Variants in PTPN14 observed in about 807,000 individuals in gnomAD.
The protein encoded by PTPN14 is protein tyrosine phosphatase non-receptor type 14.
PTPN14 carries 53 observed loss-of-function variants against 126.8 expected under a neutral mutation model. The observed-to-expected ratio is 0.42, with a 90% confidence interval of 0.34 to 0.53. The LOEUF is 0.53. PTPN14 is among the 20% of genes least tolerant of loss of function. The pLI, the probability that PTPN14 is intolerant of heterozygous loss-of-function variation, is 0.08. For missense variants in PTPN14, 1,257 were observed against 1,552.9 expected, an observed-to-expected ratio of 0.81 and a Z score of 3.20; for synonymous variants, 630 against 599.3, an observed-to-expected ratio of 1.05 and a Z score of -0.75.
intron 13 of PTPN14, among the ~76,000 whole-genome samples, chr1:214,379,713 C>A (rs1029476318): frequency 7.2e-5 from 11 of 152,238 alleles, no homozygotes; most frequent in African/African-American, 2.2e-4. Context: ...CAAAAGAATG[C>A]AACCATTTGC....
At chr1:214,480,214 T>C (rs1267209920) in intron 1 of PTPN14, among the ~76,000 whole-genome samples, 2 of 152,234 alleles carry the variant, frequency 1.3e-5, no homozygotes, top group Non-Finnish European at 2.9e-5. Flanking sequence ...AAGTCTCTTA[T>C]TGCATACTCC....
intron 1 of PTPN14, among the ~76,000 whole-genome samples, chr1:214,485,949 A>G (rs1382293045): frequency 6.6e-6 from 1 of 152,064 alleles, no homozygotes; most frequent in African/African-American, 2.4e-5. Flanking sequence ...GATGGTCTCG[A>G]TCTCCTGACC....
At chr1:214,510,128 A>T (rs538187096) in intron 1 of PTPN14, among the ~76,000 whole-genome samples, 53 of 152,204 alleles carry the variant, frequency 3.5e-4, no homozygotes, top group African/African-American at 1.3e-3. Flanking sequence ...AGGCGGGAGG[A>T]GAGGGAGAGA....
At chr1:214,362,481 C>A (rs1363926991) in intron 18 of PTPN14, among the ~76,000 whole-genome samples, 2 of 152,226 alleles carry the variant, frequency 1.3e-5, no homozygotes, top group Non-Finnish European at 2.9e-5. Flanking sequence ...CCACAGGAGG[C>A]CACACTGGCC....
chr1:214,448,555 C>T (rs1005777006), intron 3 of PTPN14, among the ~76,000 whole-genome samples: 4 of 152,048 alleles, frequency 2.6e-5, no homozygotes, highest in African/African-American at 9.7e-5. Context: ...ACTGCCCGGC[C>T]TATTCATTTT....
At chr1:214,505,386 C>T (rs975391146) in intron 1 of PTPN14, among the ~76,000 whole-genome samples, 1 of 152,040 alleles carries the variant, frequency 6.6e-6, no homozygotes, top group Admixed American at 6.5e-5. Flanking sequence ...TGTCCAATTC[C>T]AAAGGGAGGT....
intron 5 of PTPN14, among the ~76,000 whole-genome samples, chr1:214,408,020 T>C (rs1486002039): frequency 2.0e-5 from 3 of 152,210 alleles, no homozygotes; most frequent in African/African-American, 7.2e-5. Flanking sequence ...TCTAAATCAT[T>C]CCTTGCTCCC....
At chr1:214,502,098 C>T (rs1288197385) in intron 1 of PTPN14, among the ~76,000 whole-genome samples, 1 of 150,440 alleles carries the variant, frequency 6.6e-6, no homozygotes, top group East Asian at 1.9e-4. Context: ...TTTTTCAAAC[C>T]ACTTTATAAG....
chr1:214,405,814 T>G (rs572701112), intron 5 of PTPN14, among the ~76,000 whole-genome samples: 1 of 152,248 alleles, frequency 6.6e-6, no homozygotes, highest in South Asian at 2.1e-4. Flanking sequence ...TGTCTTTTAA[T>G]GCTTACAACG....
rs138117191 is a variant in PTPN14 at position 214,466,312 on chromosome 1, A to G, written c.-154-1355T>C. 2.2e-4 allele frequency among the ~76,000 whole-genome samples: 34 copies of G among 152,028 alleles called. No homozygotes were observed. The East Asian group carries it at 6.0e-3, about 27-fold the overall frequency. On this transcript the variant is annotated intron_variant, in intron 1 of 18. Transcript: ENST00000366956. ...TAATGGAAAGACATGAATTATTCAA[A>G]GCACTTAAAAATCACAACTCTTTGT... is the stretch of plus-strand genomic sequence containing the variant.
Position 214,364,524 on chromosome 1 carries a change from C to G in PTPN14, c.3423G>C (p.Leu1141Phe). 2 of 1,613,914 alleles carry G rather than the reference C, an allele frequency of 1.2e-6. No homozygotes were observed. Among genetic ancestry groups the G allele is most frequent in the Non-Finnish European group, 1.7e-6 (2 of 1,179,958 alleles). The change falls in exon 18 of 19, where the codon TTG (leucine) becomes TTC (phenylalanine). Residue 1141 changes from leucine to phenylalanine, a missense_variant. Physicochemically the swap from Leu to Phe is conservative, Grantham distance 22. Around this residue, in one of 3 missense-constraint regions of PTPN14, gnomAD observed 171 missense variants for 229.8 expected, o/e 0.74. Transcript: ENST00000366956. The surrounding 1 kb of genome is among the most constrained non-coding windows in gnomAD (Gnocchi z 4.1). ...LILSELMIYC[L>F]EHNEKVEVPM... ...CAGAATGACTCACTTCGTTATGTTCCAAGCAGTAGATCATCAGCTCAGAAA... is the reference window on the plus strand; with the variant it reads ...CAGAATGACTCACTTCGTTATGTTCGAAGCAGTAGATCATCAGCTCAGAAA...
At chr1:214,403,955 C>T (rs533232058) in intron 5 of PTPN14, among the ~76,000 whole-genome samples, 15 of 152,304 alleles carry the variant, frequency 9.8e-5, no homozygotes, top group African/African-American at 3.6e-4. Flanking sequence ...TCAGAAGGAA[C>T]TCTGAGCTAC....
intron 1 of PTPN14, among the ~76,000 whole-genome samples, chr1:214,525,725 A>C (rs1296985465): frequency 1.3e-5 from 2 of 152,184 alleles, no homozygotes; most frequent in Non-Finnish European, 2.9e-5. Context: ...AGACAAAGAA[A>C]CTGAGTCATG....
chr1:214,436,077 G>C lies in PTPN14; in HGVS notation c.344+15728C>G, dbSNP rs369645388. Among the ~76,000 whole-genome samples the C allele has an allele frequency of 6.9e-4, 105 of 152,264 alleles. 1 individual carries two copies. The highest frequency in any genetic ancestry group is 2.4e-3 in the African/African-American group (99 of 41,548). ...ACTATGCAGCCACAAAAAATGACAA[G>C]ATCATGTCCTCTGCAGCAACATGGA... is the stretch of plus-strand genomic sequence containing the variant. On this transcript the variant is annotated intron_variant, in intron 3 of 18. Transcript: ENST00000366956.
intron 3 of PTPN14, among the ~76,000 whole-genome samples, chr1:214,450,824 A>G (rs1660257654): frequency 6.6e-6 from 1 of 152,246 alleles, no homozygotes; most frequent in Non-Finnish European, 1.5e-5. Flanking sequence ...CCATTCACTG[A>G]ATATGCTTTA....
intron 1 of PTPN14, among the ~76,000 whole-genome samples, chr1:214,521,783 T>A (rs1298386164): frequency 2.6e-5 from 4 of 151,378 alleles, no homozygotes; most frequent in Non-Finnish European, 5.9e-5. Flanking sequence ...GAAAAACAAC[T>A]AAAGGTAGGA....
chr1:214,465,951 CTTTTTT>C (rs71165974), intron 1 of PTPN14, among the ~76,000 whole-genome samples: 9 of 59,024 alleles, frequency 1.5e-4, no homozygotes, highest in African/African-American at 5.5e-4. Flanking sequence ...CAGTTACTTC[CTTTTTT>C]TTTTTTTTTT....
intron 3 of PTPN14, among the ~76,000 whole-genome samples, chr1:214,446,562 T>TGCAGTGACA (rs1196607625): frequency 6.6e-6 from 1 of 152,204 alleles, no homozygotes; most frequent in Non-Finnish European, 1.5e-5. Context: ...TATTAAACAA[T>TGCAGTGACA]TTGCAATCAA....
rs1183571712 is a variant in PTPN14, at chr1:214,465,035, GCCCCCCCC to G, written c.-154-86_-154-79del. 3.9e-5 allele frequency: 11 copies of G among 279,874 alleles called. No individual in the cohort carries two copies. In the African/African-American group the frequency reaches 9.8e-4, roughly 25 times the overall value. The allele number at this position is 279,874 out of a possible 1,614,324, so 17.3% of individuals were successfully genotyped here. Reference sequence around the variant, plus strand: ...GGTACCATATTCCACACACACAGAAGCCCCCCCCCCCCCCCACCCCGCCAAACAGATCA... The same window carrying G: ...GGTACCATATTCCACACACACAGAAGCCCCCCCACCCCGCCAAACAGATCA... On this transcript the variant is annotated intron_variant, in intron 1 of 18. Transcript: ENST00000366956.
Sources: allele counts gnomAD v4.1 joint callset (sites outside exome capture counted in the v4.1 genomes callset), GRCh38; gene constraint gnomAD v4.1.1; regional missense constraint gnomAD v4.1.1; non-coding constraint Gnocchi (gnomAD v3.1); transcripts MANE v1.5; gene names NCBI Gene and HGNC (gene_info 2026-07-23, HGNC 2026-07-21).